Variants in RIC1 observed in about 807,000 individuals in gnomAD.
RIC1 encodes RIC1 partner of RAB6A GEF complex, also known as guanine nucleotide exchange factor subunit RIC1.
A neutral mutation model predicts 169.0 loss-of-function variants in RIC1; 88 were observed. That is an observed-to-expected ratio of 0.52 (90% CI 0.44 to 0.62). The LOEUF (loss-of-function observed/expected upper bound fraction) is 0.62, where lower values mean the gene tolerates loss of function less well. Among genes scored for constraint, RIC1 ranks in the 20% least tolerant of loss-of-function variants. The pLI is 0.00. For synonymous variants in RIC1, 790 were observed against 601.5 expected, an observed-to-expected ratio of 1.31 and a Z score of -4.59; for missense variants, 1,877 against 1,725.5, an observed-to-expected ratio of 1.09 and a Z score of -1.56.
intron 4 of RIC1, 136 bp from the exon 5 acceptor site, chr9:5,720,046 G>A (rs1257897733): frequency 5.0e-6 from 3 of 599,766 alleles, no homozygotes; most frequent in Admixed American, 3.5e-5. Flanking sequence ...CATAGATAAA[G>A]TTGCAGATAA....
chr9:5,712,146 G>A (rs1362518217), intron 3 of RIC1, among the ~76,000 whole-genome samples: 4 of 152,116 alleles, frequency 2.6e-5, no homozygotes, highest in African/African-American at 7.2e-5. Flanking sequence ...CTAAGGAATC[G>A]CCACACTGTC....
At position 5,774,367 on chromosome 9, in the gene RIC1, A is replaced by T. The variant is rs1486759000; in HGVS notation, c.*121A>T. The T allele has an allele frequency of 1.3e-6, 1 of 751,422 alleles. No individual in the cohort carries two copies. The highest frequency in any genetic ancestry group is 1.7e-5 in the African/African-American group (1 of 58,086). 46.5% of individuals were successfully genotyped at this position (751,422 alleles called of 1,614,324 possible). On this transcript the variant is annotated 3_prime_UTR_variant, in exon 26 of 26. Coordinates refer to ENST00000414202, the MANE Select transcript of RIC1 (RefSeq NM_020829.4). ...GTTCAGAGACTCTTCGGTAAGTATT[A>T]GTAGATTTTAACTAATTCTTTCTTG...
In RIC1 at chr9:5,774,350, ACT is replaced by A. The variant is rs1030536072; in HGVS notation, c.*107_*108del. On this transcript the variant is annotated 3_prime_UTR_variant, in exon 26 of 26. Transcript: ENST00000414202. ...TTTAACAGGAGAACTCAGTTCAGAG[ACT>A]CTTCGGTAAGTATTAGTAGATTTTA... The A allele has an allele frequency of 7.4e-6, 7 of 946,008 alleles. No individual in the cohort carries two copies. In the African/African-American group the frequency reaches 9.7e-5, roughly 13 times the overall value. 58.6% of individuals were successfully genotyped at this position (946,008 alleles called of 1,614,324 possible).
intron 19 of RIC1, 122 bp from the exon 20 acceptor site, chr9:5,765,292 T>G (rs1826646596): frequency 2.0e-6 from 2 of 1,016,864 alleles, no homozygotes; most frequent in Non-Finnish European, 2.9e-6. Flanking sequence ...ATCTTATTAT[T>G]AAACTAACCC....
intron 3 of RIC1, among the ~76,000 whole-genome samples, chr9:5,699,324 G>A (rs1251362431): frequency 6.6e-6 from 1 of 152,200 alleles, no homozygotes; most frequent in East Asian, 1.9e-4. Flanking sequence ...TGGGGTATGT[G>A]TGTGAGTGCG....
intron 4 of RIC1, among the ~76,000 whole-genome samples, chr9:5,718,071 C>T (rs763506104): frequency 1.6e-5 from 2 of 122,106 alleles, no homozygotes; most frequent in African/African-American, 3.2e-5. Flanking sequence ...ACCTGGGAGG[C>T]AGAGGTTGCA....
At position 5,711,287 on chromosome 9, in the gene RIC1, T is replaced by A. The variant is rs1586994621; in HGVS notation, c.333-2609T>A. On this transcript the variant is annotated intron_variant, in intron 3 of 25. Transcript: ENST00000414202. ...CTCCCAGATTCAAAAGTTGTCAACA[T>A]CCCCCTCTCCCCATGCATGCATACT... Among the ~76,000 whole-genome samples, 5 of 152,048 alleles carry A rather than the reference T, an allele frequency of 3.3e-5. No homozygotes were observed. In the South Asian group the frequency reaches 1.0e-3, roughly 32 times the overall value.
chr9:5,772,945 T>C lies in RIC1; in HGVS notation c.3848T>C (p.Ile1283Thr). 4 of 1,613,964 alleles carry C rather than the reference T, an allele frequency of 2.5e-6. No homozygotes were observed. The highest frequency in any genetic ancestry group is 2.2e-5 in the South Asian group (2 of 91,064). Residue 1283 changes from isoleucine to threonine, a missense_variant, in exon 25 of 26, where the codon ATA becomes ACA. Ile to Thr is a moderately conservative substitution (Grantham distance 89). Coordinates refer to ENST00000414202, the MANE Select transcript of RIC1 (RefSeq NM_020829.4). Reference protein sequence around the residue: ...EAGCLDWCIVIGLILRESSII... With the variant: ...EAGCLDWCIVTGLILRESSII... ...GGGTGCCTAGACTGGTGCATCGTTA[T>C]AGGCCTGATTCTTAGAGAATCCTCA...
At chr9:5,640,571 CATT>C (rs1399994342) in intron 1 of RIC1, among the ~76,000 whole-genome samples, 1 of 152,084 alleles carries the variant, frequency 6.6e-6, no homozygotes, top group Admixed American at 6.5e-5. Flanking sequence ...AAATAAGAAT[CATT>C]GTTAGGTTAT....
At position 5,643,945 on chromosome 9, in the gene RIC1, T is replaced by G. The variant is rs192809313; in HGVS notation, c.145-12638T>G. On this transcript the variant is annotated intron_variant, in intron 1 of 25. Coordinates refer to ENST00000414202, the MANE Select transcript of RIC1 (RefSeq NM_020829.4). ...TACCTTTAAGTTACAATTGCTTTCC[T>G]TTGAGTTGCTGTCACAAATCTACTG... Among the ~76,000 whole-genome samples, 64 of 152,326 alleles carry G rather than the reference T, an allele frequency of 4.2e-4. No homozygotes were observed. The East Asian group carries it at 0.011, about 27-fold the overall frequency.
intron 3 of RIC1, among the ~76,000 whole-genome samples, chr9:5,705,086 C>T (rs1323569283): frequency 6.6e-6 from 1 of 151,894 alleles, no homozygotes; most frequent in Non-Finnish European, 1.5e-5. Flanking sequence ...GTTTTGTGAT[C>T]AGGAAATGTG....
At chr9:5,711,808 G>T (rs2130820213) in intron 3 of RIC1, among the ~76,000 whole-genome samples, 1 of 152,236 alleles carries the variant, frequency 6.6e-6, no homozygotes. Context: ...TCCCACCTAT[G>T]AGTGAGAACA....
At chr9:5,743,136 A>G (rs972050226) in intron 9 of RIC1, 123 bp downstream of exon 9, 62 of 820,190 alleles carry the variant, frequency 7.6e-5, no homozygotes, top group East Asian at 1.3e-4. Flanking sequence ...ACAATTTGCA[A>G]AGTTCATAAT....
chr9:5,752,713 G>A (rs1030280668), intron 12 of RIC1, among the ~76,000 whole-genome samples: 1 of 152,172 alleles, frequency 6.6e-6, no homozygotes, highest in East Asian at 1.9e-4. Flanking sequence ...TGGGATTACA[G>A]GCGTGAGCAA....
intron 1 of RIC1, among the ~76,000 whole-genome samples, chr9:5,629,789 A>C (rs1398710729): frequency 6.6e-6 from 1 of 152,156 alleles, no homozygotes; most frequent in African/African-American, 2.4e-5. Flanking sequence ...CCCGAGGGAC[A>C]AATTTGTTTA....
chr9:5,702,374 A>C (rs1822273802), intron 3 of RIC1, among the ~76,000 whole-genome samples: 1 of 152,196 alleles, frequency 6.6e-6, no homozygotes, highest in Non-Finnish European at 1.5e-5. Flanking sequence ...TCCGCAGGCT[A>C]TACAGGAAGA....
chr9:5,768,696 G>A (rs945417704), intron 21 of RIC1, among the ~76,000 whole-genome samples: 1 of 152,112 alleles, frequency 6.6e-6, no homozygotes, highest in South Asian at 2.1e-4. Context: ...CTTTCTGTCA[G>A]CCACCCATCA....
intron 3 of RIC1, among the ~76,000 whole-genome samples, chr9:5,704,910 C>T (rs1373692467): frequency 6.6e-6 from 1 of 152,094 alleles, no homozygotes; most frequent in Non-Finnish European, 1.5e-5. Context: ...TGTCTTAGTA[C>T]AGAGAATGTT....
At chr9:5,637,347 G>C (rs886395314) in intron 1 of RIC1, among the ~76,000 whole-genome samples, 1 of 152,106 alleles carries the variant, frequency 6.6e-6, no homozygotes, top group African/African-American at 2.4e-5. Context: ...GGGATTACAG[G>C]CATGAGCCAC....
Sources: gnomAD v4.1 joint callset for allele counts (sites outside exome capture counted in the v4.1 genomes callset) on GRCh38, gnomAD v4.1.1 for gene constraint, MANE v1.5 for transcripts, NCBI Gene and HGNC (gene_info 2026-07-23, HGNC 2026-07-21) for gene names.